The following AGPAT4 variants were observed in gnomAD, a reference collection of about 807,000 sequenced individuals.
AGPAT4 encodes 1-acylglycerol-3-phosphate O-acyltransferase 4.
AGPAT4 carries 15 observed loss-of-function variants against 48.0 expected under a neutral mutation model. The ratio of observed to expected loss-of-function variants is 0.31; its 90% CI spans 0.21 to 0.48. The LOEUF is 0.48. Among genes scored for constraint, AGPAT4 ranks in the 20% least tolerant of loss-of-function variants. The pLI, the probability that AGPAT4 is intolerant of heterozygous loss-of-function variation, is 0.99. For missense variants in AGPAT4, 314 were observed against 482.5 expected, an observed-to-expected ratio of 0.65 and a Z score of 3.27; for synonymous variants, 178 against 198.7, an observed-to-expected ratio of 0.90 and a Z score of 0.88.
Position 161,139,459 on chromosome 6 carries a change from G to A in AGPAT4, c.1005C>T (p.Ser335=), listed in dbSNP as rs376981627. ...FLVSMIRSGS[S]LTLASFILVF... ...CGAGGATGAAGCTGGCCAGCGTCAGGGAAGACCCGCTCCTGATCATGCTGA... is the reference window on the plus strand; with the variant it reads ...CGAGGATGAAGCTGGCCAGCGTCAGAGAAGACCCGCTCCTGATCATGCTGA... The change falls in exon 8 of 9, where the codon TCC becomes TCT. Residue 335 remains serine (S), a synonymous_variant. Transcript: ENST00000320285. The surrounding 1 kb of genome is among the most constrained non-coding windows in gnomAD (Gnocchi z 9.1). 23 of 1,613,980 alleles carry A rather than the reference G, an allele frequency of 1.4e-5. No homozygotes were observed. In the African/African-American group the frequency reaches 2.9e-4, roughly 21 times the overall value.
chr6:161,211,987 G>A (rs56211836), intron 2 of AGPAT4, among the ~76,000 whole-genome samples: 19 of 152,126 alleles, frequency 1.2e-4, no homozygotes, highest in Non-Finnish European at 2.4e-4. Context: ...TGTAAAGGTC[G>A]ATTTTGAAAG....
At chr6:161,173,794 C>T (rs1038285973) in intron 2 of AGPAT4, among the ~76,000 whole-genome samples, 2 of 152,184 alleles carry the variant, frequency 1.3e-5, no homozygotes, top group Admixed American at 1.3e-4. Flanking sequence ...ACATTTAAGT[C>T]TTTAATCCAC....
At position 161,271,002 on chromosome 6, in the gene AGPAT4, T is replaced by C. The variant is rs77310624; in HGVS notation, c.-90+2936A>G. On this transcript the variant is annotated intron_variant, in intron 1 of 8. Coordinates refer to ENST00000320285, the MANE Select transcript of AGPAT4 (RefSeq NM_020133.3). ...ATACCTGTTTAAAGTCTAGTGTAAG[T>C]CTGGCCTTTCGTTGTTAAGCTGAAG... 3.7e-4 allele frequency among the ~76,000 whole-genome samples: 57 copies of C among 152,336 alleles called. No individual in the cohort carries two copies. In the East Asian group the frequency reaches 0.011, roughly 28 times the overall value.
intron 2 of AGPAT4, among the ~76,000 whole-genome samples, chr6:161,205,694 T>TGAA (rs11269660): frequency 6.6e-6 from 1 of 151,704 alleles, no homozygotes; most frequent in Non-Finnish European, 1.5e-5. Context: ...AACACCAAGT[T>TGAA]GAAACAGATC....
At chr6:161,228,238 G>A (rs184569683) in intron 2 of AGPAT4, among the ~76,000 whole-genome samples, 10 of 152,278 alleles carry the variant, frequency 6.6e-5, no homozygotes, top group African/African-American at 2.4e-4. Context: ...TCTGTGGCTC[G>A]CCAAAGGTGA....
In AGPAT4 at chr6:161,148,716, G is replaced by A. The variant is rs564116482; in HGVS notation, c.767+471C>T. On this transcript the variant is annotated intron_variant, in intron 6 of 8. Transcript: ENST00000320285. This position sits in a 1 kb window ranked among gnomAD's most constrained non-coding sequence, Gnocchi z 5.5. ...AGCCCATTCTATAAGCAGGCAGAGA[G>A]AACTAGTTTGACTAATATGTTCTGG... 6.6e-6 allele frequency among the ~76,000 whole-genome samples: 1 copy of A among 152,172 alleles called. No individual in the cohort carries two copies. The highest frequency in any genetic ancestry group is 1.5e-5 in the Non-Finnish European group (1 of 68,018).
chr6:161,164,998 G>A lies in AGPAT4; in HGVS notation c.348+1250C>T, dbSNP rs937669214. The stretch of plus-strand genomic sequence containing the variant: ...GGTGACCTGACAGTCAAGATGCACC[G>A]GCTCCCCATACCCTTCCTCCTGGGC... On this transcript the variant is annotated intron_variant, in intron 3 of 8. Coordinates refer to ENST00000320285, the MANE Select transcript of AGPAT4 (RefSeq NM_020133.3). The surrounding 1 kb of genome is among the most constrained non-coding windows in gnomAD (Gnocchi z 7.4). Among the ~76,000 whole-genome samples, 5 of 152,138 alleles carry A rather than the reference G, an allele frequency of 3.3e-5. No homozygotes were observed. The highest frequency in any genetic ancestry group is 7.2e-5 in the African/African-American group (3 of 41,436).
intron 5 of AGPAT4, among the ~76,000 whole-genome samples, chr6:161,151,041 C>T (rs1779578698): frequency 6.6e-6 from 1 of 152,210 alleles, no homozygotes; most frequent in Non-Finnish European, 1.5e-5. Flanking sequence ...GTCCAACTGT[C>T]TCATTTTCCA....
At position 161,197,819 on chromosome 6, in the gene AGPAT4, C is replaced by T. The variant is rs16892284; in HGVS notation, c.179-31402G>A. Among the ~76,000 whole-genome samples, 22,258 of 152,102 alleles carry T rather than the reference C, an allele frequency of 0.15. 2,522 individuals carry two copies. Among genetic ancestry groups the T allele is most frequent in the African/African-American group, 0.32 (13,332 of 41,440 alleles). ...GGAGTTCTGGAAATAAAATTACTTA[C>T]GTGGACTCTAGAGGAAATGTCATCA... is the stretch of plus-strand genomic sequence containing the variant. On this transcript the variant is annotated intron_variant, in intron 2 of 8. Transcript: ENST00000320285. The surrounding 1 kb of genome is among the most constrained non-coding windows in gnomAD (Gnocchi z 5.7).
In AGPAT4 at chr6:161,153,645, G is replaced by A. The variant is rs1779660435; in HGVS notation, c.511-146C>T. The A allele has an allele frequency of 5.0e-6, 5 of 990,522 alleles. No homozygotes were observed. The East Asian group carries it at 1.3e-4, about 26-fold the overall frequency. The allele number at this position is 990,522 out of a possible 1,614,324, so 61.4% of individuals were successfully genotyped here. A position where few individuals can be genotyped will look rare whatever the true frequency, so the allele number is the denominator to read the frequency against. ...GCCCCATGGTTACATACAGCCCTGAGGTCACACACAGCCCTGGGGTCACAT... is the reference window on the plus strand; with the variant it reads ...GCCCCATGGTTACATACAGCCCTGAAGTCACACACAGCCCTGGGGTCACAT... On this transcript the variant is annotated intron_variant, in intron 4 of 8. Coordinates refer to ENST00000320285, the MANE Select transcript of AGPAT4 (RefSeq NM_020133.3).
intron 1 of AGPAT4, among the ~76,000 whole-genome samples, chr6:161,265,055 A>G (rs1273081613): frequency 1.3e-5 from 2 of 152,142 alleles, no homozygotes; most frequent in Non-Finnish European, 2.9e-5. Context: ...AGGCAAATTA[A>G]TACTAGTGAG....
intron 5 of AGPAT4, among the ~76,000 whole-genome samples, chr6:161,151,489 G>A (rs1459196588): frequency 1.3e-5 from 2 of 152,334 alleles, no homozygotes; most frequent in East Asian, 3.9e-4. Context: ...ATCAGGAGGG[G>A]GACACGTAGC....
rs1221203702 is a variant in AGPAT4 at position 161,159,031 on chromosome 6, T to G, written c.349-4721A>C. ...ACTAAATATATAAAATGAGGTATCT[T>G]AAGTGGAACTTCAAAAACAGGTGAG... On this transcript the variant is annotated intron_variant, in intron 3 of 8. Coordinates refer to ENST00000320285, the MANE Select transcript of AGPAT4 (RefSeq NM_020133.3). This position sits in a 1 kb window ranked among gnomAD's most constrained non-coding sequence, Gnocchi z 4.1. 6.6e-6 allele frequency among the ~76,000 whole-genome samples: 1 copy of G among 152,228 alleles called. No homozygotes were observed. Among genetic ancestry groups the G allele is most frequent in the African/African-American group, 2.4e-5 (1 of 41,446 alleles).
chr6:161,206,213 C>T lies in AGPAT4; in HGVS notation c.178+25823G>A, dbSNP rs1781375500. Among the ~76,000 whole-genome samples, 1 of 152,194 alleles carries T rather than the reference C, an allele frequency of 6.6e-6. No individual in the cohort carries two copies. The highest frequency in any genetic ancestry group is 2.4e-5 in the African/African-American group (1 of 41,446). ...GAAAAACTGTGGCCCTACCCCAACC[C>T]CCCATCAGCAAAGGTTGGGGTGGGG... is the stretch of plus-strand genomic sequence containing the variant. On this transcript the variant is annotated intron_variant, in intron 2 of 8. Transcript: ENST00000320285. The surrounding 1 kb of genome is among the most constrained non-coding windows in gnomAD (Gnocchi z 4.8).
chr6:161,256,668 C>G (rs1248941141), intron 1 of AGPAT4, among the ~76,000 whole-genome samples: 1 of 152,208 alleles, frequency 6.6e-6, no homozygotes, highest in Non-Finnish European at 1.5e-5. Flanking sequence ...ATGGCTCCCC[C>G]GGTCCCTGCA....
intron 5 of AGPAT4, 59 bp downstream of exon 5, chr6:161,153,287 G>A (rs1038109320): frequency 3.9e-6 from 6 of 1,551,148 alleles, no homozygotes; most frequent in Non-Finnish European, 5.2e-6. Flanking sequence ...CCCATCCGGA[G>A]CTGGGGCTTG....
In AGPAT4 at chr6:161,161,296, C is replaced by A; in HGVS notation, c.348+4952G>T. ...CTCCAGGATGGTAGTCGGTATGAAC[C>A]CGCGGTGCAGCCATAGTCCCGTGAG... On this transcript the variant is annotated intron_variant, in intron 3 of 8. Coordinates refer to ENST00000320285, the MANE Select transcript of AGPAT4 (RefSeq NM_020133.3). This position sits in a 1 kb window ranked among gnomAD's most constrained non-coding sequence, Gnocchi z 4.6. 2.2e-6 allele frequency: 1 copy of A among 456,722 alleles called. No homozygotes were observed. The highest frequency in any genetic ancestry group is 3.3e-4 in the Middle Eastern group (1 of 3,076). The allele number at this position is 456,722 out of a possible 1,614,324, so 28.3% of individuals were successfully genotyped here.
At chr6:161,224,757 T>C (rs1781927851) in intron 2 of AGPAT4, among the ~76,000 whole-genome samples, 1 of 152,122 alleles carries the variant, frequency 6.6e-6, no homozygotes, top group Non-Finnish European at 1.5e-5. Flanking sequence ...CTGACACATA[T>C]TAGGTGCTGA....
Position 161,155,262 on chromosome 6 carries a change from A to G in AGPAT4, c.349-952T>C, listed in dbSNP as rs771466894. On this transcript the variant is annotated intron_variant, in intron 3 of 8. Coordinates refer to ENST00000320285, the MANE Select transcript of AGPAT4 (RefSeq NM_020133.3). This position sits in a 1 kb window ranked among gnomAD's most constrained non-coding sequence, Gnocchi z 5.8. ...GATGGACGGGGCAGTGGAGACACAAAAACTGCTTTTTATCTGATGGATGTT... is the reference window on the plus strand; with the variant it reads ...GATGGACGGGGCAGTGGAGACACAAGAACTGCTTTTTATCTGATGGATGTT... 8.5e-5 allele frequency among the ~76,000 whole-genome samples: 13 copies of G among 152,166 alleles called. No homozygotes were observed. Among genetic ancestry groups the G allele is most frequent in the Non-Finnish European group, 1.9e-4 (13 of 68,018 alleles).
Sources: allele counts gnomAD v4.1 joint callset (sites outside exome capture counted in the v4.1 genomes callset), GRCh38; gene constraint gnomAD v4.1.1; non-coding constraint Gnocchi (gnomAD v3.1); transcripts MANE v1.5; gene names NCBI Gene and HGNC (gene_info 2026-07-23, HGNC 2026-07-21).